Variants in VWF observed in about 807,000 individuals in gnomAD.
VWF encodes the protein Factor VIII related antigen.
Under a neutral mutation model 308.6 loss-of-function variants are expected in VWF, and 176 were observed. The observed-to-expected ratio is 0.57, with a 90% confidence interval of 0.50 to 0.65. The LOEUF is 0.65. Ranked by LOEUF, VWF falls within the 30% of genes least tolerant of loss-of-function variation. The pLI is 0.00. For synonymous variants in VWF, 1,385 were observed against 1,443.4 expected (o/e 0.96, Z 0.92); for missense variants, 3,146 against 3,648.2 (o/e 0.86, Z 3.55).
chr12:5,960,604 A>G (rs899458809), intron 47 of VWF, among the ~76,000 whole-genome samples: 1 of 152,208 alleles, frequency 6.6e-6, no homozygotes, highest in Non-Finnish European at 1.5e-5. Context: ...GAGCAAATAG[A>G]TCTAGCACTG....
intron 16 of VWF, among the ~76,000 whole-genome samples, chr12:6,048,455 C>T (rs966337982): frequency 1.2e-4 from 18 of 152,100 alleles, no homozygotes; most frequent in African/African-American, 4.1e-4. Flanking sequence ...CGTGAGCCAA[C>T]GTGCCCTGCC....
At chr12:5,951,975 A>C in intron 49 of VWF, 92 bp from the exon 50 acceptor site, 92 of 1,280,132 alleles carry the variant, frequency 7.2e-5, no homozygotes, top group Non-Finnish European at 9.7e-5. Flanking sequence ...CTCCGAACTC[A>C]CAGCCCTGTG....
chr12:6,108,316 A>C (rs1945266026), intron 5 of VWF, among the ~76,000 whole-genome samples: 1 of 125,322 alleles, frequency 8.0e-6, no homozygotes. Context: ...AAAAGAAAGA[A>C]AGAAAGAAAG....
intron 38 of VWF, among the ~76,000 whole-genome samples, chr12:5,991,181 A>T (rs1449248368): frequency 7.5e-6 from 1 of 133,096 alleles, no homozygotes; most frequent in African/African-American, 2.6e-5. Context: ...ACACACACAC[A>T]CACACACACA....
Position 5,996,224 on chromosome 12 carries a change from T to C in VWF, c.5843-2A>G. On this transcript the variant is annotated splice_acceptor_variant, in intron 34 of 51. Coordinates refer to ENST00000261405, the MANE Select transcript of VWF (RefSeq NM_000552.5). LOFTEE classifies it high-confidence loss of function. ...GAGTGGAGCTGCCTGTGCACACGCC[T>C]GGACAGAGAGAAGCAGAGGATGGAT... The C allele has an allele frequency of 6.2e-7, 1 of 1,609,650 alleles. No individual in the cohort carries two copies. Among genetic ancestry groups the C allele is most frequent in the Non-Finnish European group, 8.5e-7 (1 of 1,178,098 alleles).
chr12:6,022,025 C>G lies in VWF; in HGVS notation c.3549G>C (p.Leu1183=), dbSNP rs144447692. The change falls in exon 27 of 52, where the codon CTG becomes CTC. Residue 1183 remains leucine (L), a synonymous_variant. Transcript: ENST00000261405. Reference sequence around the variant, plus strand: ...CAACGCAGGTCTGCAAAAGCTCATCCAGGATTTTCCCTGCAAAAGAAAGCT... The same window carrying G: ...CAACGCAGGTCTGCAAAAGCTCATCGAGGATTTTCCCTGCAAAAGAAAGCT... ...CHAHCPPGKI[L]DELLQTCVDP... 30 of 1,614,046 alleles carry G rather than the reference C, an allele frequency of 1.9e-5. No individual in the cohort carries two copies. The highest frequency in any genetic ancestry group is 2.5e-5 in the Non-Finnish European group (29 of 1,180,034).
At chr12:6,067,322 C>G (rs913670359) in intron 10 of VWF, among the ~76,000 whole-genome samples, 2 of 152,196 alleles carry the variant, frequency 1.3e-5, no homozygotes, top group Admixed American at 1.3e-4. Context: ...GGGAATTCTT[C>G]CCCCTGCCTT....
chr12:6,056,616 T>C (rs920405839), intron 15 of VWF, among the ~76,000 whole-genome samples: 1 of 152,046 alleles, frequency 6.6e-6, no homozygotes, highest in Non-Finnish European at 1.5e-5. Context: ...GGCCTCCAGG[T>C]AGGAGGAGCC....
At chr12:6,073,574 G>T in intron 8 of VWF, 45 bp downstream of exon 8, 1 of 1,613,096 alleles carries the variant, frequency 6.2e-7, no homozygotes. Flanking sequence ...AGCCAAGGGT[G>T]CTGGCAAGGT....
rs548919030 is a variant in VWF, at chr12:6,083,959, C to A, written c.658-8408G>T. The stretch of plus-strand genomic sequence containing the variant: ...GTTTTGGTGCACAAGGTAGAAGCCC[C>A]CACTGGGGACAACAGAGAAATAAGA... On this transcript the variant is annotated intron_variant, in intron 6 of 51. Coordinates refer to ENST00000261405, the MANE Select transcript of VWF (RefSeq NM_000552.5). Among the ~76,000 whole-genome samples, 16 of 152,318 alleles carry A rather than the reference C, an allele frequency of 1.1e-4. No homozygotes were observed. The East Asian group carries it at 3.1e-3, about 29-fold the overall frequency.
chr12:6,083,890 T>C (rs1346805665), intron 6 of VWF, among the ~76,000 whole-genome samples: 1 of 152,176 alleles, frequency 6.6e-6, no homozygotes, highest in African/African-American at 2.4e-5. Flanking sequence ...CCCTTCTCTT[T>C]CTACTGCGGG....
rs1443549124 is a variant in VWF at position 6,018,738 on chromosome 12, G to C, written c.4680C>G (p.Asp1560Glu). 1.9e-6 allele frequency: 3 copies of C among 1,613,522 alleles called. No homozygotes were observed. Among genetic ancestry groups the C allele is most frequent in the Admixed American group, 1.7e-5 (1 of 60,010 alleles). ...GGATCTCTCGCACCCGCTGCAGGAT[G>C]TCCCCTTTGGACTGTGCCTCGCTGA... is the stretch of plus-strand genomic sequence containing the variant. ...YPFSEAQSKG[D>E]ILQRVREIRY... The change falls in exon 28 of 52, where the codon GAC becomes GAG. Residue 1560 changes from aspartate to glutamate, a missense_variant. Asp to Glu is a conservative substitution (Grantham distance 45, BLOSUM62 2). This residue lies in a region of VWF where 853 missense variants were observed against 1,177.8 expected (regional missense o/e 0.72). Coordinates refer to ENST00000261405, the MANE Select transcript of VWF (RefSeq NM_000552.5).
At chr12:6,076,068 GA>G (rs1346195531) in intron 6 of VWF, among the ~76,000 whole-genome samples, 1 of 151,446 alleles carries the variant, frequency 6.6e-6, no homozygotes, top group Non-Finnish European at 1.5e-5. Context: ...GGATCAGCAA[GA>G]TTTTTTTTTT....
Position 6,018,328 on chromosome 12 carries a change from C to T in VWF, c.5053+37G>A, listed in dbSNP as rs35122657. ...AGCACCAAGGCCATGCCAGCCCTCG[C>T]CCAGCCCTCCCACCTGCACACAAGG... On this transcript the variant is annotated intron_variant, in intron 28 of 51. Transcript: ENST00000261405. 1.1e-3 allele frequency: 1,685 copies of T among 1,593,116 alleles called. 5 individuals are homozygous for T. The African/African-American group carries it at 0.019, about 18-fold the overall frequency.
At chr12:6,010,313 A>G (rs1210355794) in intron 34 of VWF, among the ~76,000 whole-genome samples, 3 of 152,188 alleles carry the variant, frequency 2.0e-5, no homozygotes, top group Non-Finnish European at 4.4e-5. Flanking sequence ...TGCAAAAAAA[A>G]TAAATAAAAA....
At chr12:5,980,208 TAGGTAGGGAGGGAGGGAGGGAGGG>T (rs1241599857) in intron 42 of VWF, among the ~76,000 whole-genome samples, 1 of 20,776 alleles carries the variant, frequency 4.8e-5, no homozygotes, top group Non-Finnish European at 1.0e-4. Flanking sequence ...GTGACGTAGG[TAGGTAGGGAGGGAGGGAGGGAGGG>T]AGGGAGGGAA....
At chr12:5,967,833 G>A (rs1029859500) in intron 46 of VWF, among the ~76,000 whole-genome samples, 2 of 152,170 alleles carry the variant, frequency 1.3e-5, no homozygotes, top group Admixed American at 6.5e-5. Context: ...TGGCAGAGGG[G>A]ACAAACTAAA....
chr12:5,951,738 A>G, intron 50 of VWF, 106 bp downstream of exon 50: 1 of 1,249,796 alleles, frequency 8.0e-7, no homozygotes, highest in East Asian at 2.3e-5. Context: ...CTTACTCCAA[A>G]GAACAGTCAT....
At chr12:6,036,067 TC>T (rs1162520017) in intron 19 of VWF, among the ~76,000 whole-genome samples, 14 of 152,342 alleles carry the variant, frequency 9.2e-5, no homozygotes, top group African/African-American at 2.9e-4. Flanking sequence ...TTAGGTCCCA[TC>T]CCTAAGACAC....
Sources: allele counts gnomAD v4.1 joint callset (sites outside exome capture counted in the v4.1 genomes callset), GRCh38; gene constraint gnomAD v4.1.1; regional missense constraint gnomAD v4.1.1; transcripts MANE v1.5; gene names NCBI Gene and HGNC (gene_info 2026-07-23, HGNC 2026-07-21).